TENM3: variants seen among roughly 807,000 people sequenced by gnomAD.
TENM3 encodes the protein teneurin-3.
TENM3 carries 63 observed loss-of-function variants against 255.1 expected under a neutral mutation model. The observed-to-expected ratio is 0.25, with a 90% CI of 0.20 to 0.30. TENM3 has a LOEUF of 0.30. Ranked by LOEUF, TENM3 falls within the 10% of genes least tolerant of loss-of-function variation. TENM3 has a pLI of 1.00. For synonymous variants in TENM3, 1,306 were observed against 1,322.3 expected (o/e 0.99, Z 0.27); for missense variants, 2,929 against 3,461.1 (o/e 0.85, Z 3.86).
the TENM3 span, among the ~76,000 whole-genome samples, chr4:181,678,415 G>A: frequency 6.6e-6 from 1 of 151,942 alleles, no homozygotes; most frequent in African/African-American, 2.4e-5. Flanking sequence ...AATTGAGGAG[G>A]TCTTGAGGGA....
intron 12 of TENM3, among the ~76,000 whole-genome samples, chr4:182,713,652 T>C (rs1194128872): frequency 1.3e-5 from 2 of 152,232 alleles, no homozygotes; most frequent in Non-Finnish European, 2.9e-5. Context: ...GGAATTTTTT[T>C]AAGCAACAAG....
At chr4:181,822,078 A>AT in the TENM3 span, among the ~76,000 whole-genome samples, 4 of 152,166 alleles carry the variant, frequency 2.6e-5, no homozygotes, top group Non-Finnish European at 5.9e-5. Flanking sequence ...GAGGTGTATT[A>AT]TTTTTGAAAC....
chr4:181,889,520 GC>G, the TENM3 span, among the ~76,000 whole-genome samples: 4 of 152,282 alleles, frequency 2.6e-5, no homozygotes, highest in African/African-American at 9.6e-5. Flanking sequence ...CACATGGTAT[GC>G]TTTTTGAGGC....
chr4:182,619,310 A>G (rs1749868895), intron 4 of TENM3, among the ~76,000 whole-genome samples: 1 of 152,132 alleles, frequency 6.6e-6, no homozygotes, highest in Admixed American at 6.6e-5. Context: ...ACATACCTGT[A>G]GTCCCAGCTA....
chr4:182,515,407 C>A (rs969365842), intron 3 of TENM3, among the ~76,000 whole-genome samples: 7 of 151,804 alleles, frequency 4.6e-5, no homozygotes, highest in Non-Finnish European at 1.0e-4. Context: ...ACAGTAGGAA[C>A]AATTAAAATA....
chr4:181,721,621 A>T, the TENM3 span, among the ~76,000 whole-genome samples: 6 of 148,550 alleles, frequency 4.0e-5, no homozygotes, highest in African/African-American at 1.5e-4. Context: ...AAAAAAAAAA[A>T]AAAAGAAGTG....
intron 12 of TENM3, among the ~76,000 whole-genome samples, chr4:182,702,629 C>T (rs1397928349): frequency 6.6e-6 from 1 of 152,076 alleles, no homozygotes; most frequent in African/African-American, 2.4e-5. Flanking sequence ...GTAAAATCTC[C>T]ACTGAAGAAA....
At chr4:181,639,749 T>C in the TENM3 span, among the ~76,000 whole-genome samples, 1 of 152,116 alleles carries the variant, frequency 6.6e-6, no homozygotes, top group African/African-American at 2.4e-5. Context: ...TCAAAATAAA[T>C]AAATAAATCC....
chr4:182,691,959 G>T (rs1235227133), intron 12 of TENM3, among the ~76,000 whole-genome samples: 1 of 151,762 alleles, frequency 6.6e-6, no homozygotes, highest in Admixed American at 6.6e-5. Context: ...AAGCTTCAAA[G>T]GATTATACTC....
chr4:181,563,221 A>G, the TENM3 span, among the ~76,000 whole-genome samples: 1 of 152,272 alleles, frequency 6.6e-6, no homozygotes, highest in Admixed American at 6.5e-5. Flanking sequence ...CCAGGGCTGT[A>G]AGGAAGAAGC....
chr4:182,071,618 TGTACATATTTGGGG>T, the TENM3 span, among the ~76,000 whole-genome samples: 33 of 152,200 alleles, frequency 2.2e-4, no homozygotes, highest in Non-Finnish European at 4.0e-4. Context: ...ATATTAGTTT[TGTACATATTTGGGG>T]GTACATGTGA....
At chr4:181,511,572 G>A in the TENM3 span, among the ~76,000 whole-genome samples, 1 of 152,216 alleles carries the variant, frequency 6.6e-6, no homozygotes, top group Non-Finnish European at 1.5e-5. Flanking sequence ...TGAGAGCCAT[G>A]TCTGTACCTT....
the TENM3 span, among the ~76,000 whole-genome samples, chr4:181,668,288 A>G: frequency 6.6e-6 from 1 of 152,148 alleles, no homozygotes; most frequent in Non-Finnish European, 1.5e-5. Flanking sequence ...CTTACTTCCC[A>G]CTAATTCTAC....
chr4:182,645,466 G>C (rs975459269), intron 5 of TENM3, among the ~76,000 whole-genome samples: 1 of 152,268 alleles, frequency 6.6e-6, no homozygotes, highest in East Asian at 1.9e-4. Flanking sequence ...TATAAGTCAG[G>C]AGTAGGCAGG....
the TENM3 span, among the ~76,000 whole-genome samples, chr4:182,020,883 T>A: frequency 6.6e-6 from 1 of 152,174 alleles, no homozygotes; most frequent in Admixed American, 6.5e-5. Context: ...CAATCAGTCC[T>A]GCCAGTTTTC....
At chr4:182,615,046 CATATATATATAT>C (rs10570169) in intron 4 of TENM3, among the ~76,000 whole-genome samples, 4 of 112,058 alleles carry the variant, frequency 3.6e-5, no homozygotes, top group Admixed American at 1.1e-4. Context: ...AAAAAAAATA[CATATATATATAT>C]ATATATATGT....
intron 1 of TENM3, among the ~76,000 whole-genome samples, chr4:182,291,695 C>T (rs879753884): frequency 2.0e-5 from 3 of 152,100 alleles, no homozygotes; most frequent in African/African-American, 4.8e-5. Context: ...GCTTGACTTC[C>T]GAGTATGCAT....
chr4:182,411,387 C>T (rs1477730426), intron 3 of TENM3, among the ~76,000 whole-genome samples: 1 of 152,200 alleles, frequency 6.6e-6, no homozygotes, highest in Non-Finnish European at 1.5e-5. Context: ...CTCACTATCC[C>T]TCCTGGGATC....
the TENM3 span, among the ~76,000 whole-genome samples, chr4:181,568,162 CTTTTTTT>C: frequency 7.8e-6 from 1 of 128,044 alleles, no homozygotes; most frequent in African/African-American, 2.9e-5. Context: ...CCAACTAATA[CTTTTTTT>C]TTTTTTTTTT....
Sources: allele counts gnomAD v4.1 joint callset (sites outside exome capture counted in the v4.1 genomes callset), GRCh38; gene constraint gnomAD v4.1.1; transcripts MANE v1.5; gene names NCBI Gene and HGNC (gene_info 2026-07-23, HGNC 2026-07-21).